FSD1L: variants seen among roughly 807,000 people sequenced by gnomAD.
FSD1L encodes FSD1-like protein.
A neutral mutation model predicts 71.6 loss-of-function variants in FSD1L; 45 were observed. The observed-to-expected ratio is 0.63, with a 90% CI of 0.49 to 0.81. The LOEUF is 0.81. Among genes scored for constraint, FSD1L ranks in the 30% least tolerant of loss-of-function variants. The pLI is 0.00. For missense variants in FSD1L, 561 were observed against 618.1 expected, an observed-to-expected ratio of 0.91 and a Z score of 0.98; for synonymous variants, 197 against 207.2, an observed-to-expected ratio of 0.95 and a Z score of 0.42.
rs1003262164 is a variant in FSD1L at position 105,548,083 on chromosome 9, C to G, written c.*1600C>G. 3 of 151,982 alleles carry G rather than the reference C, an allele frequency of 2.0e-5. No individual in the cohort carries two copies. Among genetic ancestry groups the G allele is most frequent in the African/African-American group, 7.2e-5 (3 of 41,422 alleles). 9.4% of individuals were successfully genotyped at this position (151,982 alleles called of 1,614,324 possible). ...TTATTTGAATTGGAATATTGTTTTT[C>G]TAGAGGACATTCATATCTGCACTAT... On this transcript the variant is annotated 3_prime_UTR_variant, in exon 14 of 14. Transcript: ENST00000481272.
chr9:105,521,485 T>G, intron 10 of FSD1L: 1 of 1,613,918 alleles, frequency 6.2e-7, no homozygotes, highest in Non-Finnish European at 8.5e-7. Flanking sequence ...GTAAACTTTG[T>G]GACAGAGATA....
chr9:105,531,886 T>C (rs543487243), intron 10 of FSD1L, among the ~76,000 whole-genome samples: 6 of 152,354 alleles, frequency 3.9e-5, no homozygotes, highest in African/African-American at 1.4e-4. Context: ...AATTTTACTT[T>C]CGCCCTCTTC....
chr9:105,461,715 A>G, intron 2 of FSD1L, 100 bp downstream of exon 2: 1 of 694,950 alleles, frequency 1.4e-6, no homozygotes, highest in Non-Finnish European at 2.5e-6. Flanking sequence ...AAACAGGAAC[A>G]TTAAAAAGGT....
intron 4 of FSD1L, among the ~76,000 whole-genome samples, chr9:105,470,172 G>C (rs756338836): frequency 1.3e-5 from 2 of 152,074 alleles, no homozygotes; most frequent in Admixed American, 6.5e-5. Context: ...GTTTTGTAAG[G>C]TATTTTGAAA....
intron 7 of FSD1L, among the ~76,000 whole-genome samples, chr9:105,490,226 G>A (rs1362492519): frequency 1.3e-5 from 2 of 152,176 alleles, no homozygotes; most frequent in African/African-American, 4.8e-5. Context: ...ATCTCATTGT[G>A]GTTTTGATTT....
At chr9:105,544,930 T>G (rs1410054721) in intron 13 of FSD1L, among the ~76,000 whole-genome samples, 4 of 152,038 alleles carry the variant, frequency 2.6e-5, no homozygotes, top group East Asian at 1.9e-4. Flanking sequence ...GGTTCCATAT[T>G]AACTTTAAAG....
chr9:105,543,823 A>G (rs1333356868), intron 13 of FSD1L, among the ~76,000 whole-genome samples: 4 of 152,148 alleles, frequency 2.6e-5, no homozygotes, highest in Admixed American at 1.3e-4. Flanking sequence ...TTCTTAATCC[A>G]GTCTATCATT....
chr9:105,519,794 TC>T (rs1457184484), intron 10 of FSD1L, among the ~76,000 whole-genome samples: 1 of 151,988 alleles, frequency 6.6e-6, no homozygotes, highest in Non-Finnish European at 1.5e-5. Flanking sequence ...TGGCTCTGGA[TC>T]CGGGGCCCCG....
In FSD1L at chr9:105,526,868, G is replaced by C. The variant is rs188345068; in HGVS notation, c.1026-7625G>C. 6.8e-4 allele frequency among the ~76,000 whole-genome samples: 102 copies of C among 150,474 alleles called. 1 individual carries two copies. Among genetic ancestry groups the C allele is most frequent in the African/African-American group, 2.5e-3 (100 of 39,916 alleles). On this transcript the variant is annotated intron_variant, in intron 10 of 13. Coordinates refer to ENST00000481272, the MANE Select transcript of FSD1L (RefSeq NM_001145313.3). The stretch of plus-strand genomic sequence containing the variant: ...GAGCCAAAATACAATTGGACAATTA[G>C]TCTCATTATTTATTGTGCTCCATTG...
chr9:105,451,560 G>C (rs1830005110), intron 1 of FSD1L, among the ~76,000 whole-genome samples: 1 of 152,138 alleles, frequency 6.6e-6, no homozygotes, highest in African/African-American at 2.4e-5. Context: ...AATAACCCCG[G>C]GTATGTAGGC....
chr9:105,478,486 G>C (rs1163905588), intron 5 of FSD1L, among the ~76,000 whole-genome samples: 1 of 152,166 alleles, frequency 6.6e-6, no homozygotes, highest in Non-Finnish European at 1.5e-5. Context: ...GAGCAAAACA[G>C]CCTTGTCTAT....
chr9:105,463,673 G>A (rs1249622466), intron 2 of FSD1L, among the ~76,000 whole-genome samples: 2 of 152,104 alleles, frequency 1.3e-5, no homozygotes, highest in African/African-American at 2.4e-5. Context: ...TAAATAGGAA[G>A]CATTATCAAA....
At chr9:105,466,651 C>T (rs550890318) in intron 3 of FSD1L, among the ~76,000 whole-genome samples, 1 of 151,262 alleles carries the variant, frequency 6.6e-6, no homozygotes, top group African/African-American at 2.4e-5. Flanking sequence ...CGAGATCGCA[C>T]TACTGCACTC....
At position 105,506,478 on chromosome 9, in the gene FSD1L, A is replaced by T. The variant is rs1351203302; in HGVS notation, c.666A>T (p.Glu222Asp). The change falls in exon 8 of 14, where the codon GAA (glutamate) becomes GAT (aspartate). Residue 222 changes from glutamate to aspartate, a missense_variant. Around this residue, in one of 3 missense-constraint regions of FSD1L, gnomAD observed 410 missense variants for 413.5 expected, o/e 0.99. Transcript: ENST00000481272. ...NSVTVAWRMP[E>D]EDNKIDHFIL... ...TAACAGTGGCTTGGAGAATGCCAGA[A>T]GAAGATAATAAGATTGACCATTTTA... 6.4e-7 allele frequency: 1 copy of T among 1,551,534 alleles called. No individual in the cohort carries two copies. The highest frequency in any genetic ancestry group is 8.7e-7 in the Non-Finnish European group (1 of 1,146,898).
At chr9:105,444,005 T>C (rs1218561969), upstream of FSD1L, among the ~76,000 whole-genome samples, 4 of 152,000 alleles carry the variant, frequency 2.6e-5, no homozygotes, top group East Asian at 5.8e-4. Context: ...TCAGGCCAGA[T>C]ATAGTAGCAG....
intron 10 of FSD1L, chr9:105,522,358 G>A: frequency 6.2e-7 from 1 of 1,614,102 alleles, no homozygotes; most frequent in South Asian, 1.1e-5. Flanking sequence ...AAAGGGAAAG[G>A]AGTTGGACAT....
chr9:105,472,042 A>C (rs1831512329), intron 5 of FSD1L, 37 bp downstream of exon 5: 1 of 1,407,866 alleles, frequency 7.1e-7, no homozygotes, highest in East Asian at 3.0e-5. Context: ...TAACAAGGGA[A>C]GTTGTATTTT....
chr9:105,453,055 T>G (rs966914171), intron 1 of FSD1L, among the ~76,000 whole-genome samples: 8 of 149,846 alleles, frequency 5.3e-5, no homozygotes, highest in Non-Finnish European at 7.4e-5. Context: ...TTTTTTTTTT[T>G]TTTTTTTTTT....
At chr9:105,449,899 G>A (rs1331760411) in intron 1 of FSD1L, among the ~76,000 whole-genome samples, 1 of 152,184 alleles carries the variant, frequency 6.6e-6, no homozygotes. Flanking sequence ...TTCCTGAGAG[G>A]TAGCAAAGAA....
Sources: allele counts gnomAD v4.1 joint callset (sites outside exome capture counted in the v4.1 genomes callset), GRCh38; gene constraint gnomAD v4.1.1; regional missense constraint gnomAD v4.1.1; transcripts MANE v1.5; gene names NCBI Gene and HGNC (gene_info 2026-07-23, HGNC 2026-07-21).